Variants in SPATC1L observed in about 807,000 individuals in gnomAD.
The protein encoded by SPATC1L is speriolin-like protein.
In SPATC1L, 20 loss-of-function variants were observed where a neutral mutation model predicts 21.2. The observed-to-expected ratio is 0.94, with a 90% CI of 0.66 to 1.37. The LOEUF (loss-of-function observed/expected upper bound fraction) is 1.37. SPATC1L is among the 40% of genes most tolerant of loss of function. The pLI is 0.00. For synonymous variants in SPATC1L, 290 were observed against 234.5 expected, an observed-to-expected ratio of 1.24 and a Z score of -2.16; for missense variants, 499 against 478.7, an observed-to-expected ratio of 1.04 and a Z score of -0.40.
At chr21:46,172,842 C>T (rs2079604006) in intron 2 of SPATC1L, among the ~76,000 whole-genome samples, 1 of 152,192 alleles carries the variant, frequency 6.6e-6, no homozygotes, top group Non-Finnish European at 1.5e-5. Flanking sequence ...GGGGAGAAAG[C>T]TGGGAACCTG....
chr21:46,166,259 G>A (rs56376803), intron 3 of SPATC1L, among the ~76,000 whole-genome samples: 16,240 of 152,048 alleles, frequency 0.11, 1,190 homozygotes, highest in African/African-American at 0.19. Context: ...CCAGCTACTC[G>A]GGTGGCTGAG....
chr21:46,162,680 C>G (rs147434776), intron 3 of SPATC1L, among the ~76,000 whole-genome samples: 5 of 151,244 alleles, frequency 3.3e-5, no homozygotes, highest in Non-Finnish European at 5.9e-5. Context: ...TCCGCCTCCC[C>G]GGCTCAAGCG....
intron 3 of SPATC1L, among the ~76,000 whole-genome samples, chr21:46,163,783 G>A (rs1230628220): frequency 2.6e-5 from 4 of 152,136 alleles, no homozygotes; most frequent in African/African-American, 9.7e-5. Flanking sequence ...GTCCCTCAAT[G>A]TTCTCCTTTT....
chr21:46,162,094 G>A (rs1326218018), intron 3 of SPATC1L, 27 bp from the exon 4 acceptor site: 1 of 1,545,842 alleles, frequency 6.5e-7, no homozygotes, highest in South Asian at 1.2e-5. Context: ...CGGGGACAAG[G>A]TCAGGGGAGC....
chr21:46,163,531 T>C (rs2079518099), intron 3 of SPATC1L, among the ~76,000 whole-genome samples: 1 of 152,208 alleles, frequency 6.6e-6, no homozygotes, highest in Non-Finnish European at 1.5e-5. Context: ...GTGTATGTGG[T>C]GTGGAGTAAG....
Position 46,181,806 on chromosome 21 carries a change from G to A in SPATC1L, c.193+818C>T, listed in dbSNP as rs574559903. ...GCCCGGTGGGAAGCTGAGGTTGGCC[G>A]TGGGAATCCCAGGCAGTGCTGGGTC... On this transcript the variant is annotated intron_variant, in intron 2 of 4. Transcript: ENST00000291672. 1.7e-3 allele frequency among the ~76,000 whole-genome samples: 256 copies of A among 152,260 alleles called. 1 individual carries two copies. Among genetic ancestry groups the A allele is most frequent in the African/African-American group, 5.8e-3 (243 of 41,540 alleles).
Position 46,182,873 on chromosome 21 carries a change from C to T in SPATC1L, c.-57G>A. On this transcript the variant is annotated 5_prime_UTR_variant, in exon 2 of 5. Coordinates refer to ENST00000291672, the MANE Select transcript of SPATC1L (RefSeq NM_001142854.2). ...TCCTGCAGCCCCATGGAGGTGGGAGCCCAGAGCCCGCAGGCACCACAGAAA... is the reference window on the plus strand; with the variant it reads ...TCCTGCAGCCCCATGGAGGTGGGAGTCCAGAGCCCGCAGGCACCACAGAAA... 2.8e-6 allele frequency: 4 copies of T among 1,444,144 alleles called. No individual in the cohort carries two copies. Among genetic ancestry groups the T allele is most frequent in the Non-Finnish European group, 3.7e-6 (4 of 1,094,292 alleles). The allele number at this position is 1,444,144 out of a possible 1,614,324, so 89.5% of individuals were successfully genotyped here.
intron 3 of SPATC1L, among the ~76,000 whole-genome samples, chr21:46,167,292 C>G (rs543545639): frequency 3.9e-5 from 6 of 152,254 alleles, no homozygotes; most frequent in African/African-American, 1.4e-4. Flanking sequence ...ATACTAAGAG[C>G]TATAGCTGTA....
chr21:46,163,592 C>T (rs12329865), intron 3 of SPATC1L, among the ~76,000 whole-genome samples: 16,088 of 152,194 alleles, frequency 0.11, 1,497 homozygotes, highest in African/African-American at 0.25. Context: ...CAGCACCACG[C>T]GTTAGACAGT....
At chr21:46,169,355 G>GC (rs914708373) in intron 2 of SPATC1L, among the ~76,000 whole-genome samples, 2 of 131,470 alleles carry the variant, frequency 1.5e-5, no homozygotes, top group Non-Finnish European at 3.4e-5. Flanking sequence ...ATGGGGAGGA[G>GC]CCCCCTGCTC....
rs2079687333 is a variant in SPATC1L, at chr21:46,182,887, G to A, written c.-71C>T. On this transcript the variant is annotated 5_prime_UTR_variant, in exon 2 of 5. Transcript: ENST00000291672. ...GGAGGTGGGAGCCCAGAGCCCGCAGGCACCACAGAAACAGCCCAGGCACGG... is the reference window on the plus strand; with the variant it reads ...GGAGGTGGGAGCCCAGAGCCCGCAGACACCACAGAAACAGCCCAGGCACGG... The A allele has an allele frequency of 7.0e-7, 1 of 1,418,514 alleles. No homozygotes were observed. The highest frequency in any genetic ancestry group is 9.3e-7 in the Non-Finnish European group (1 of 1,076,544). 87.9% of individuals were successfully genotyped at this position (1,418,514 alleles called of 1,614,324 possible). A position where few individuals can be genotyped will look rare whatever the true frequency, so the allele number is the denominator to read the frequency against.
In SPATC1L at chr21:46,183,480, GGGGAGGAGACCAGCC is replaced by G. The variant is rs2079696284; in HGVS notation, c.-679_-665del. 1 of 167,518 alleles carries G rather than the reference GGGGAGGAGACCAGCC, an allele frequency of 6.0e-6. No homozygotes were observed. The highest frequency in any genetic ancestry group is 2.5e-5 in the African/African-American group (1 of 40,628). The allele number at this position is 167,518 out of a possible 1,614,324, so 10.4% of individuals were successfully genotyped here. The stretch of plus-strand genomic sequence containing the variant: ...ACCAGTCTGCGGGGGAGACCAGCCT[GGGGAGGAGACCAGCC>G]TGCAGGGGAGACCAGCTTGCGGGGG... On this transcript the variant is annotated 5_prime_UTR_variant, in exon 2 of 5. Coordinates refer to ENST00000291672, the MANE Select transcript of SPATC1L (RefSeq NM_001142854.2).
chr21:46,174,114 GGCCAGGAGTTCAAGACCA>G (rs1322264709), intron 2 of SPATC1L, among the ~76,000 whole-genome samples: 3 of 151,994 alleles, frequency 2.0e-5, no homozygotes, highest in African/African-American at 7.3e-5. Flanking sequence ...AATCACTTGA[GGCCAGGAGTTCAAGACCA>G]GCCTGGCCAA....
chr21:46,168,443 G>A lies in SPATC1L; in HGVS notation c.409C>T (p.Leu137=), dbSNP rs1425377342. The part of the protein sequence containing the change: ...RGTDRKLSPL[L]SPLQDSLVDK... ...ACCAGTGAGTCTTGCAAGGGGCTCAGGAGCGGGGACAGCTTCCTGTCGGTG... is the reference window on the plus strand; with the variant it reads ...ACCAGTGAGTCTTGCAAGGGGCTCAAGAGCGGGGACAGCTTCCTGTCGGTG... Residue 137 remains leucine, a synonymous_variant, in exon 3 of 5, where the codon CTG becomes TTG. Coordinates refer to ENST00000291672, the MANE Select transcript of SPATC1L (RefSeq NM_001142854.2). The A allele has an allele frequency of 1.9e-6, 3 of 1,608,070 alleles. No individual in the cohort carries two copies. The highest frequency in any genetic ancestry group is 1.3e-5 in the African/African-American group (1 of 74,740).
chr21:46,178,845 C>T (rs1228448551), intron 2 of SPATC1L, among the ~76,000 whole-genome samples: 1 of 152,190 alleles, frequency 6.6e-6, no homozygotes, highest in Non-Finnish European at 1.5e-5. Context: ...CAAGATGACA[C>T]CACTGCACTC....
intron 2 of SPATC1L, among the ~76,000 whole-genome samples, chr21:46,180,542 T>G (rs2079664593): frequency 6.6e-6 from 1 of 152,254 alleles, no homozygotes; most frequent in African/African-American, 2.4e-5. Context: ...CTTGGCAACA[T>G]GCAGACATTG....
chr21:46,162,194 G>A, intron 3 of SPATC1L, 127 bp from the exon 4 acceptor site: 2 of 1,071,498 alleles, frequency 1.9e-6, no homozygotes, highest in Non-Finnish European at 2.6e-6. Flanking sequence ...ACCCCCCACT[G>A]TCTGGCAAAT....
Position 46,182,623 on chromosome 21 carries a change from C to A in SPATC1L, c.193+1G>T. The A allele has an allele frequency of 2.7e-6, 4 of 1,499,000 alleles. No homozygotes were observed. The highest frequency in any genetic ancestry group is 2.7e-6 in the Non-Finnish European group (3 of 1,124,122). 92.9% of individuals were successfully genotyped at this position (1,499,000 alleles called of 1,614,324 possible). ...GCCATCTGAGCTGGGCGGCGCCTCA[C>A]CTCCGCTCCCGGGGGAGCCGGCCTC... On this transcript the variant is annotated splice_donor_variant, in intron 2 of 4. Coordinates refer to ENST00000291672, the MANE Select transcript of SPATC1L (RefSeq NM_001142854.2). LOFTEE classifies it high-confidence loss of function.
chr21:46,174,172 T>C (rs578218719), intron 2 of SPATC1L, among the ~76,000 whole-genome samples: 17 of 151,790 alleles, frequency 1.1e-4, no homozygotes, highest in Middle Eastern at 3.4e-3. Flanking sequence ...TACTAAAAAA[T>C]AGAAAAATTA....
Sources: gnomAD v4.1 joint callset for allele counts (sites outside exome capture counted in the v4.1 genomes callset) on GRCh38, gnomAD v4.1.1 for gene constraint, MANE v1.5 for transcripts, NCBI Gene and HGNC (gene_info 2026-07-23, HGNC 2026-07-21) for gene names.